TENM3: variants seen among roughly 807,000 people sequenced by gnomAD.
TENM3 encodes the protein teneurin transmembrane protein 3, also known as teneurin-3.
A neutral mutation model predicts 255.1 loss-of-function variants in TENM3; 63 were observed. The ratio of observed to expected loss-of-function variants is 0.25; its 90% confidence interval spans 0.20 to 0.30. TENM3 has a LOEUF of 0.30. Ranked by LOEUF, TENM3 falls within the 10% of genes least tolerant of loss-of-function variation. TENM3 has a pLI of 1.00. For synonymous variants in TENM3, 1,306 were observed against 1,322.3 expected, an observed-to-expected ratio of 0.99 and a Z score of 0.27; for missense variants, 2,929 against 3,461.1, an observed-to-expected ratio of 0.85 and a Z score of 3.86.
At chr4:182,507,847 A>G (rs1736995977) in intron 3 of TENM3, among the ~76,000 whole-genome samples, 1 of 152,230 alleles carries the variant, frequency 6.6e-6, no homozygotes, top group African/African-American at 2.4e-5. Flanking sequence ...GAATATTAAT[A>G]TCCTTAGGTT....
At chr4:181,719,441 A>G in the TENM3 span, among the ~76,000 whole-genome samples, 1 of 152,008 alleles carries the variant, frequency 6.6e-6, no homozygotes, top group African/African-American at 2.4e-5. Context: ...GGTTCTGGAG[A>G]TGGGAAGTCC....
intron 24 of TENM3, among the ~76,000 whole-genome samples, chr4:182,780,970 GT>G (rs1199002793): frequency 6.6e-6 from 1 of 151,190 alleles, no homozygotes. Context: ...AGACAATGGG[GT>G]TTTCTAGATA....
At chr4:181,467,737 C>T in the TENM3 span, among the ~76,000 whole-genome samples, 2 of 152,054 alleles carry the variant, frequency 1.3e-5, no homozygotes, top group African/African-American at 4.8e-5. Context: ...AAGAAAGAAG[C>T]AGCTGAGGAC....
At chr4:181,709,146 A>T in the TENM3 span, among the ~76,000 whole-genome samples, 5 of 152,230 alleles carry the variant, frequency 3.3e-5, no homozygotes, top group Non-Finnish European at 7.3e-5. Flanking sequence ...AGAAGACACT[A>T]CATATTAATC....
intron 3 of TENM3, among the ~76,000 whole-genome samples, chr4:182,489,145 A>G (rs1580723060): frequency 6.6e-6 from 1 of 152,286 alleles, no homozygotes; most frequent in Non-Finnish European, 1.5e-5. Flanking sequence ...TCGTTAAGGG[A>G]GACTCTTAAA....
At chr4:182,693,814 G>C (rs978125819) in intron 12 of TENM3, among the ~76,000 whole-genome samples, 3 of 152,068 alleles carry the variant, frequency 2.0e-5, no homozygotes, top group Non-Finnish European at 4.4e-5. Flanking sequence ...AGAATTAAAT[G>C]GAATACTAGA....
intron 3 of TENM3, among the ~76,000 whole-genome samples, chr4:182,456,815 G>C (rs576880287): frequency 6.6e-6 from 1 of 152,262 alleles, no homozygotes; most frequent in South Asian, 2.1e-4. Flanking sequence ...ATTTACAGGT[G>C]AGGAGTACTA....
chr4:182,707,645 G>A (rs141766999), intron 12 of TENM3: 3 of 152,204 alleles, frequency 2.0e-5, no homozygotes, highest in Non-Finnish European at 2.9e-5. Flanking sequence ...AAACATTTTC[G>A]ATGAGCCACA....
chr4:181,725,420 CT>C, the TENM3 span, among the ~76,000 whole-genome samples: 33,631 of 133,710 alleles, frequency 0.25, 3,790 homozygotes, highest in Middle Eastern at 0.34. Context: ...CTTTTTCTTT[CT>C]TTTTTTTTTT....
chr4:182,536,491 A>G (rs1217544964), intron 3 of TENM3, among the ~76,000 whole-genome samples: 1 of 152,228 alleles, frequency 6.6e-6, no homozygotes, highest in Non-Finnish European at 1.5e-5. Flanking sequence ...TTAGTGGCTG[A>G]TGGCAGCTCA....
chr4:181,778,398 T>G, the TENM3 span, among the ~76,000 whole-genome samples: 1 of 152,156 alleles, frequency 6.6e-6, no homozygotes, highest in Non-Finnish European at 1.5e-5. Context: ...AGAATTCAAT[T>G]TATAGAAGCA....
chr4:182,461,179 CA>C (rs1324201691), intron 3 of TENM3, among the ~76,000 whole-genome samples: 1 of 151,900 alleles, frequency 6.6e-6, no homozygotes, highest in Non-Finnish European at 1.5e-5. Context: ...CTCTTTAATC[CA>C]AAAAAGCAAA....
chr4:181,706,839 G>A, the TENM3 span, among the ~76,000 whole-genome samples: 250 of 152,278 alleles, frequency 1.6e-3, 2 homozygotes, highest in African/African-American at 5.3e-3. Context: ...TCGCGGGGCC[G>A]TCTTAAGTGT....
At chr4:182,147,075 A>G (rs141205066) in intron 1 of TENM3, among the ~76,000 whole-genome samples, 73 of 152,322 alleles carry the variant, frequency 4.8e-4, no homozygotes, top group African/African-American at 1.7e-3. Flanking sequence ...CTTATTCAGA[A>G]AGGAAACCTA....
At chr4:182,112,434 T>C in the TENM3 span, among the ~76,000 whole-genome samples, 1 of 152,232 alleles carries the variant, frequency 6.6e-6, no homozygotes, top group Admixed American at 6.5e-5. Context: ...TCACTAATAG[T>C]GTTTTAAAAC....
the TENM3 span, among the ~76,000 whole-genome samples, chr4:181,707,803 G>A: frequency 2.0e-5 from 3 of 152,168 alleles, no homozygotes; most frequent in Admixed American, 6.5e-5. Context: ...TAAATGCTAC[G>A]TTAAGTACAA....
chr4:182,178,431 A>G (rs1220915032), intron 1 of TENM3, among the ~76,000 whole-genome samples: 1 of 152,198 alleles, frequency 6.6e-6, no homozygotes, highest in East Asian at 1.9e-4. Flanking sequence ...AGTGATTCAA[A>G]CAATGTGACA....
chr4:182,300,345 T>C (rs1761779357), intron 1 of TENM3, among the ~76,000 whole-genome samples: 2 of 152,258 alleles, frequency 1.3e-5, no homozygotes, highest in South Asian at 4.1e-4. Flanking sequence ...AACATGACAA[T>C]TGGTCTCTCA....
the TENM3 span, among the ~76,000 whole-genome samples, chr4:181,548,489 A>G: frequency 2.0e-5 from 3 of 152,214 alleles, no homozygotes; most frequent in Admixed American, 6.5e-5. Flanking sequence ...CCATAAAAAA[A>G]TGATATCCCA....
Sources: allele counts gnomAD v4.1 joint callset (sites outside exome capture counted in the v4.1 genomes callset), GRCh38; gene constraint gnomAD v4.1.1; transcripts MANE v1.5; gene names NCBI Gene and HGNC (gene_info 2026-07-23, HGNC 2026-07-21).